Variants in ZNF66 observed in about 807,000 individuals in gnomAD.
ZNF66 encodes the protein zinc finger protein 66.
A neutral mutation model predicts 35.2 loss-of-function variants in ZNF66; 32 were observed. The ratio of observed to expected loss-of-function variants is 0.91; its 90% CI spans 0.69 to 1.22. The LOEUF is 1.22. Ranked by LOEUF, ZNF66 falls within the 50% of genes most tolerant of loss-of-function variation. The probability of loss-of-function intolerance (pLI) is 0.00; values close to 1 mark genes in which losing one functional copy is unlikely to be tolerated. For missense variants in ZNF66, 666 were observed against 543.1 expected, an observed-to-expected ratio of 1.23 and a Z score of -2.25; for synonymous variants, 231 against 181.3, an observed-to-expected ratio of 1.27 and a Z score of -2.20.
intron 3 of ZNF66, among the ~76,000 whole-genome samples, chr19:20,803,324 C>G (rs563474378): frequency 7.3e-6 from 1 of 136,324 alleles, no homozygotes; most frequent in Non-Finnish European, 1.6e-5. Flanking sequence ...TTTTTTTTAT[C>G]TTTGTATTGA....
chr19:20,800,520 T>A (rs886490810), intron 3 of ZNF66, among the ~76,000 whole-genome samples: 1 of 152,104 alleles, frequency 6.6e-6, no homozygotes, highest in Non-Finnish European at 1.5e-5. Flanking sequence ...TGGGACATAT[T>A]TGGGTCATGA....
rs1971555450 is a variant in ZNF66, at chr19:20,808,824, C to G, written c.*1502C>G. Among the ~76,000 whole-genome samples, 1 of 152,184 alleles carries G rather than the reference C, an allele frequency of 6.6e-6. No individual in the cohort carries two copies. The highest frequency in any genetic ancestry group is 6.5e-5 in the Admixed American group (1 of 15,278). ...CCAAAGGAACACAGTTCCCCACCAG[C>G]AACAGAACAAAGCTGGATGGAGAAT... On this transcript the variant is annotated 3_prime_UTR_variant, in exon 4 of 4. Transcript: ENST00000344519.
chr19:20,779,381 G>C (rs1971224912), intron 1 of ZNF66, among the ~76,000 whole-genome samples: 1 of 152,052 alleles, frequency 6.6e-6, no homozygotes, highest in African/African-American at 2.4e-5. Flanking sequence ...GAGTGAAAAA[G>C]TCAGATTTTA....
intron 1 of ZNF66, among the ~76,000 whole-genome samples, chr19:20,785,703 T>G (rs1971280774): frequency 6.6e-6 from 1 of 152,060 alleles, no homozygotes; most frequent in Non-Finnish European, 1.5e-5. Context: ...TTTCTTTTTC[T>G]GGGGCTGGAG....
intron 1 of ZNF66, chr19:20,785,117 G>A (rs1479126806): frequency 6.6e-6 from 1 of 152,196 alleles, no homozygotes; most frequent in Admixed American, 6.5e-5. Context: ...ATTCTACCCA[G>A]GAGGCCTGCA....
chr19:20,776,554 C>T, intron 1 of ZNF66, 104 bp downstream of exon 1: 1 of 1,385,296 alleles, frequency 7.2e-7, no homozygotes, highest in East Asian at 2.3e-5. Flanking sequence ...TTCTCCTTAC[C>T]CAGCTCTGCC....
Position 20,806,959 on chromosome 19 carries a change from C to T in ZNF66, c.1359C>T (p.Tyr453=), listed in dbSNP as rs563010543. ...HKIIHTGEKP[Y]ECEDCGKAFN... ...TAATTCACACTGGAGAGAAACCCTA[C>T]GAATGTGAAGACTGTGGCAAAGCCT... is the stretch of plus-strand genomic sequence containing the variant. Residue 453 remains tyrosine, a synonymous_variant, in exon 4 of 4, where the codon TAC becomes TAT. Transcript: ENST00000344519. 30 of 1,127,098 alleles carry T rather than the reference C, an allele frequency of 2.7e-5. No individual in the cohort carries two copies. Among genetic ancestry groups the T allele is most frequent in the South Asian group, 1.6e-4 (13 of 80,898 alleles). 69.8% of individuals were successfully genotyped at this position (1,127,098 alleles called of 1,614,324 possible). A position where few individuals can be genotyped will look rare whatever the true frequency, so the allele number is the denominator to read the frequency against.
At chr19:20,792,940 C>T (rs1327395614) in intron 2 of ZNF66, among the ~76,000 whole-genome samples, 1 of 151,892 alleles carries the variant, frequency 6.6e-6, no homozygotes, top group Non-Finnish European at 1.5e-5. Context: ...CTGTGGCATG[C>T]ACCTATAATC....
At chr19:20,786,490 C>T (rs1001890583) in intron 1 of ZNF66, among the ~76,000 whole-genome samples, 2 of 152,126 alleles carry the variant, frequency 1.3e-5, no homozygotes, top group African/African-American at 4.8e-5. Context: ...CCAAAATGCC[C>T]ACAAACGTAC....
intron 1 of ZNF66, 130 bp downstream of exon 1, chr19:20,776,580 C>G (rs1228140324): frequency 6.3e-6 from 8 of 1,267,844 alleles, no homozygotes; most frequent in Middle Eastern, 1.9e-4. Context: ...CCCATTCAGC[C>G]ATAAGATGGC....
chr19:20,797,501 C>T lies in ZNF66; in HGVS notation c.226+3623C>T, dbSNP rs76598325. On this transcript the variant is annotated intron_variant, in intron 3 of 3. Transcript: ENST00000344519. ...GATTACAGGCGTGAGCCACCGCGCC[C>T]GGCCGATTTTATGAGTAAACATTTA... 2.0e-4 allele frequency among the ~76,000 whole-genome samples: 25 copies of T among 124,060 alleles called. 1 individual carries two copies. Among genetic ancestry groups the T allele is most frequent in the African/African-American group, 6.9e-4 (23 of 33,282 alleles). 81.4% of individuals were successfully genotyped at this position (124,060 alleles called of 152,430 possible).
At chr19:20,804,106 T>C (rs767674067) in intron 3 of ZNF66, among the ~76,000 whole-genome samples, 4 of 152,076 alleles carry the variant, frequency 2.6e-5, no homozygotes, top group Non-Finnish European at 5.9e-5. Context: ...CCAATTATGT[T>C]TTGTATTTTT....
At chr19:20,803,886 A>G (rs1241537342) in intron 3 of ZNF66, among the ~76,000 whole-genome samples, 1 of 152,060 alleles carries the variant, frequency 6.6e-6, no homozygotes, top group Non-Finnish European at 1.5e-5. Flanking sequence ...TTAAATTATT[A>G]TTTTAACTTT....
intron 1 of ZNF66, 171 bp downstream of exon 1, chr19:20,776,621 C>T: frequency 1.0e-6 from 1 of 992,008 alleles, no homozygotes; most frequent in Non-Finnish European, 1.5e-6. Context: ...CCCCGGGCGT[C>T]CTGTCGCTTC....
At chr19:20,777,314 T>G (rs887639957) in intron 1 of ZNF66, among the ~76,000 whole-genome samples, 11 of 151,982 alleles carry the variant, frequency 7.2e-5, no homozygotes, top group African/African-American at 2.7e-4. Context: ...TTTAGTAATG[T>G]AGTTTCTTAA....
intron 1 of ZNF66, among the ~76,000 whole-genome samples, chr19:20,791,301 A>G (rs1971334515): frequency 6.6e-6 from 1 of 152,080 alleles, no homozygotes; most frequent in African/African-American, 2.4e-5. Flanking sequence ...CCTGGCCAAC[A>G]TGGTGGAACC....
chr19:20,788,655 A>C (rs1444516474), intron 1 of ZNF66, among the ~76,000 whole-genome samples: 1 of 152,074 alleles, frequency 6.6e-6, no homozygotes, highest in Non-Finnish European at 1.5e-5. Flanking sequence ...TACCCGCGTC[A>C]TCCTCCTGAA....
At chr19:20,797,849 A>G (rs1471867228) in intron 3 of ZNF66, among the ~76,000 whole-genome samples, 1 of 152,150 alleles carries the variant, frequency 6.6e-6, no homozygotes, top group Non-Finnish European at 1.5e-5. Flanking sequence ...GTTATGATCC[A>G]CTGCACCTGG....
chr19:20,804,351 C>A (rs192340948), intron 3 of ZNF66, among the ~76,000 whole-genome samples: 1 of 152,102 alleles, frequency 6.6e-6, no homozygotes, highest in Non-Finnish European at 1.5e-5. Flanking sequence ...TCAAGCAATT[C>A]TCTTGCCTCA....
Sources: gnomAD v4.1 joint callset for allele counts (sites outside exome capture counted in the v4.1 genomes callset) on GRCh38, gnomAD v4.1.1 for gene constraint, MANE v1.5 for transcripts, NCBI Gene and HGNC (gene_info 2026-07-23, HGNC 2026-07-21) for gene names.